The following STAG1 variants were observed in gnomAD, a reference collection of about 807,000 sequenced individuals.
STAG1 encodes cohesin subunit SA-1.
STAG1 carries 26 observed loss-of-function variants against 170.9 expected under a neutral mutation model. The observed-to-expected ratio is 0.15, with a 90% CI of 0.11 to 0.21. STAG1 has a LOEUF of 0.21. Ranked by LOEUF, STAG1 falls within the 10% of genes least tolerant of loss-of-function variation. The pLI is 1.00. For missense variants in STAG1, 964 were observed against 1,509.5 expected (o/e 0.64, Z 5.99); for synonymous variants, 514 against 497.7 (o/e 1.03, Z -0.44).
At position 136,368,739 on chromosome 3, in the gene STAG1, C is replaced by T. The variant is rs144513956; in HGVS notation, c.2545+369G>A. Among the ~76,000 whole-genome samples the T allele has an allele frequency of 3.0e-3, 462 of 152,174 alleles. 3 individuals carry two copies. The highest frequency in any genetic ancestry group is 0.01 in the African/African-American group (432 of 41,538). The stretch of plus-strand genomic sequence containing the variant: ...GAGAAAGACAGAGCTCTCTATATAA[C>T]GACAGGAAAAGATCTGAGGTACAGT... On this transcript the variant is annotated intron_variant, in intron 24 of 33. Coordinates refer to ENST00000383202, the MANE Select transcript of STAG1 (RefSeq NM_005862.3).
chr3:136,738,636 C>T (rs1934483313), intron 1 of STAG1, among the ~76,000 whole-genome samples: 1 of 152,116 alleles, frequency 6.6e-6, no homozygotes, highest in South Asian at 2.1e-4. Flanking sequence ...GCCTAGGCAA[C>T]AGAACAAGAC....
rs147077207 is a variant in STAG1 at position 136,470,316 on chromosome 3, G to T, written c.1205+2097C>A. Among the ~76,000 whole-genome samples, 1,290 of 152,284 alleles carry T rather than the reference G, an allele frequency of 8.5e-3. 22 individuals are homozygous for T. The highest frequency in any genetic ancestry group is 0.03 in the African/African-American group (1,235 of 41,534). On this transcript the variant is annotated intron_variant, in intron 12 of 33. Transcript: ENST00000383202. ...GAAAAACAAACAACCCCATCAAAAA[G>T]TGGGCAAAGGATATGAACAGACACT...
intron 1 of STAG1, among the ~76,000 whole-genome samples, chr3:136,697,822 T>C (rs922497030): frequency 1.3e-5 from 2 of 152,218 alleles, no homozygotes; most frequent in Non-Finnish European, 2.9e-5. Flanking sequence ...TTCAGCCTGA[T>C]TACATTCCCA....
chr3:136,618,158 CA>C (rs1488093530), intron 3 of STAG1, among the ~76,000 whole-genome samples: 1 of 152,114 alleles, frequency 6.6e-6, no homozygotes, highest in African/African-American at 2.4e-5. Context: ...TGACTCATTC[CA>C]ATCACCTGCT....
At chr3:136,524,894 C>T (rs941547740) in intron 6 of STAG1, among the ~76,000 whole-genome samples, 11 of 152,106 alleles carry the variant, frequency 7.2e-5, no homozygotes, top group East Asian at 1.9e-4. Context: ...TGCTGGATTA[C>T]GTTTATTGAT....
chr3:136,511,136 C>T (rs1934045004), intron 7 of STAG1, among the ~76,000 whole-genome samples: 1 of 152,252 alleles, frequency 6.6e-6, no homozygotes, highest in South Asian at 2.1e-4. Flanking sequence ...CATCCAGCTG[C>T]CCTGTGAAGA....
intron 1 of STAG1, among the ~76,000 whole-genome samples, chr3:136,703,458 C>T (rs1285950383): frequency 6.6e-6 from 1 of 152,154 alleles, no homozygotes; most frequent in Non-Finnish European, 1.5e-5. Flanking sequence ...ACTAAGGGAC[C>T]TGCATGGAGG....
chr3:136,505,902 T>C (rs998343269), intron 7 of STAG1, among the ~76,000 whole-genome samples: 1 of 152,152 alleles, frequency 6.6e-6, no homozygotes, highest in African/African-American at 2.4e-5. Flanking sequence ...TAAGGTAAAC[T>C]GTTGGGAGGA....
At chr3:136,589,199 C>T (rs915032145) in intron 4 of STAG1, among the ~76,000 whole-genome samples, 2 of 152,074 alleles carry the variant, frequency 1.3e-5, no homozygotes, top group Non-Finnish European at 2.9e-5. Flanking sequence ...CCTATTTTAT[C>T]TTTAAAAAGC....
At chr3:136,438,742 G>A (rs2088536686) in intron 15 of STAG1, among the ~76,000 whole-genome samples, 2 of 152,008 alleles carry the variant, frequency 1.3e-5, no homozygotes, top group African/African-American at 4.8e-5. Flanking sequence ...TATACGCTCA[G>A]CACTTAGCAT....
At chr3:136,449,538 T>C (rs1001328508) in intron 14 of STAG1, among the ~76,000 whole-genome samples, 7 of 147,488 alleles carry the variant, frequency 4.7e-5, no homozygotes, top group Non-Finnish European at 1.0e-4. Context: ...CCAGCCTGAG[T>C]GACAGAGCAA....
chr3:136,342,646 C>A (rs961786970), intron 30 of STAG1, among the ~76,000 whole-genome samples: 1 of 152,236 alleles, frequency 6.6e-6, no homozygotes, highest in Non-Finnish European at 1.5e-5. Flanking sequence ...CATACCCATA[C>A]ATTTATAGGA....
At chr3:136,682,242 T>A (rs1434034937) in intron 1 of STAG1, among the ~76,000 whole-genome samples, 1 of 151,806 alleles carries the variant, frequency 6.6e-6, no homozygotes, top group East Asian at 1.9e-4. Context: ...CTGGGAAACA[T>A]GGTGAAACCC....
intron 7 of STAG1, 57 bp downstream of exon 7, chr3:136,521,156 G>A: frequency 2.2e-6 from 3 of 1,368,784 alleles, no homozygotes; most frequent in Non-Finnish European, 3.1e-6. Context: ...TTTGTAATCA[G>A]AATAAAACAT....
chr3:136,354,225 G>T (rs1936541249), intron 28 of STAG1, among the ~76,000 whole-genome samples: 1 of 152,178 alleles, frequency 6.6e-6, no homozygotes, highest in Non-Finnish European at 1.5e-5. Flanking sequence ...CAAAAAAGGA[G>T]GAAGGAAATG....
chr3:136,440,283 G>A (rs1032344694), intron 15 of STAG1, among the ~76,000 whole-genome samples: 3 of 151,866 alleles, frequency 2.0e-5, no homozygotes, highest in Admixed American at 6.6e-5. Context: ...GACTACAGGC[G>A]CCCGCCACCA....
chr3:136,442,716 G>A lies in STAG1; in HGVS notation c.1546+571C>T, dbSNP rs184394328. Among the ~76,000 whole-genome samples the A allele has an allele frequency of 5.3e-5, 8 of 151,608 alleles. No individual in the cohort carries two copies. The East Asian group carries it at 7.7e-4, about 15-fold the overall frequency. ...CTTAAAAAAAAAAACATTAAGTTAC[G>A]TCAGTATTTTGTATCTCAAATCAGC... On this transcript the variant is annotated intron_variant, in intron 15 of 33. Transcript: ENST00000383202.
chr3:136,745,561 T>C (rs1307555157), intron 1 of STAG1, among the ~76,000 whole-genome samples: 1 of 152,144 alleles, frequency 6.6e-6, no homozygotes, highest in Non-Finnish European at 1.5e-5. Flanking sequence ...CACAATAGAA[T>C]TTGCACTCAT....
chr3:136,618,961 AAACT>A (rs1291094855), intron 3 of STAG1, among the ~76,000 whole-genome samples: 13 of 152,192 alleles, frequency 8.5e-5, no homozygotes, highest in African/African-American at 2.2e-4. Context: ...AAACAGTTCA[AAACT>A]AATAGATACC....
Sources: gnomAD v4.1 joint callset for allele counts (sites outside exome capture counted in the v4.1 genomes callset) on GRCh38, gnomAD v4.1.1 for gene constraint, MANE v1.5 for transcripts, NCBI Gene and HGNC (gene_info 2026-07-23, HGNC 2026-07-21) for gene names.